Variants in G3BP2 observed in about 807,000 individuals in gnomAD.
G3BP2 encodes ras GTPase-activating protein-binding protein 2.
A neutral mutation model predicts 56.7 loss-of-function variants in G3BP2; 11 were observed. The observed-to-expected ratio is 0.19, with a 90% CI of 0.12 to 0.32. The LOEUF (loss-of-function observed/expected upper bound fraction) is 0.32. Among genes scored for constraint, G3BP2 ranks in the 10% least tolerant of loss-of-function variants. The pLI, the probability that G3BP2 is intolerant of heterozygous loss-of-function variation, is 1.00. For missense variants in G3BP2, 340 were observed against 610.9 expected, an observed-to-expected ratio of 0.56 and a Z score of 4.67; for synonymous variants, 165 against 191.6, an observed-to-expected ratio of 0.86 and a Z score of 1.15.
intron 2 of G3BP2, among the ~76,000 whole-genome samples, chr4:75,661,273 C>A (rs914783675): frequency 2.6e-5 from 4 of 152,018 alleles, no homozygotes; most frequent in Non-Finnish European, 4.4e-5. Context: ...CAACTACAGG[C>A]GCCTGCCACA....
chr4:75,711,147 C>T (rs1719740347), intron 3 of G3BP2, among the ~76,000 whole-genome samples: 1 of 151,106 alleles, frequency 6.6e-6, no homozygotes, highest in Non-Finnish European at 1.5e-5. Flanking sequence ...TGGTGAAACC[C>T]CATCTCTACT....
Position 75,645,144 on chromosome 4 carries a change from AGTGG to A in G3BP2, c.*282_*285del. The A allele has an allele frequency of 2.8e-6, 1 of 356,862 alleles. No homozygotes were observed. The highest frequency in any genetic ancestry group is 6.9e-5 in the South Asian group (1 of 14,542). 22.1% of individuals were successfully genotyped at this position (356,862 alleles called of 1,614,324 possible). Reference sequence around the variant, plus strand: ...TTTTTTACTCAAAGGACCTGAATTCAGTGGGCATGTCCTTTTAAGTTCACTTTGT... The same window carrying A: ...TTTTTTACTCAAAGGACCTGAATTCAGCATGTCCTTTTAAGTTCACTTTGT... On this transcript the variant is annotated 3_prime_UTR_variant, in exon 12 of 12. Coordinates refer to ENST00000359707, the MANE Select transcript of G3BP2 (RefSeq NM_203505.3).
At chr4:75,687,560 G>A (rs1246756672) in intron 3 of G3BP2, among the ~76,000 whole-genome samples, 3 of 152,216 alleles carry the variant, frequency 2.0e-5, no homozygotes, top group African/African-American at 7.2e-5. Flanking sequence ...GACAACACTT[G>A]TCATAGAAAC....
intron 3 of G3BP2, among the ~76,000 whole-genome samples, chr4:75,696,498 G>A (rs773987118): frequency 2.0e-5 from 3 of 152,164 alleles, no homozygotes; most frequent in Non-Finnish European, 4.4e-5. Flanking sequence ...ATGTGGAATG[G>A]GGTCAAAAAA....
At chr4:75,699,726 T>C (rs140516086) in intron 3 of G3BP2, among the ~76,000 whole-genome samples, 188 of 152,344 alleles carry the variant, frequency 1.2e-3, no homozygotes, top group African/African-American at 4.1e-3. Context: ...ATATTTTCTC[T>C]TATAGTTGTT....
chr4:75,652,713 ATAAATGTCTGTGAGTT>A (rs1474099581), intron 8 of G3BP2, among the ~76,000 whole-genome samples: 21 of 152,314 alleles, frequency 1.4e-4, no homozygotes, highest in African/African-American at 4.8e-4. Flanking sequence ...TACTATGTAC[ATAAATGTCTGTGAGTT>A]ACTCTAGACC....
At chr4:75,673,532 G>C, upstream of G3BP2, 1 of 1,232,068 alleles carries the variant, frequency 8.1e-7, no homozygotes, top group Non-Finnish European at 1.0e-6. Flanking sequence ...CAACCTTCCC[G>C]TGTCCCTCTG....
At chr4:75,698,404 A>T (rs866769858) in intron 3 of G3BP2, among the ~76,000 whole-genome samples, 29 of 152,212 alleles carry the variant, frequency 1.9e-4, no homozygotes, top group African/African-American at 7.0e-4. Context: ...AGAAGGAAGC[A>T]GCCCTGCTGA....
chr4:75,658,295 C>CAA (rs2148987056), intron 3 of G3BP2, among the ~76,000 whole-genome samples: 1 of 152,110 alleles, frequency 6.6e-6, no homozygotes, highest in East Asian at 1.9e-4. Flanking sequence ...TAATATAACA[C>CAA]CATGTTTCAT....
At chr4:75,693,930 G>A (rs1718987673) in intron 3 of G3BP2, among the ~76,000 whole-genome samples, 3 of 151,596 alleles carry the variant, frequency 2.0e-5, no homozygotes, top group African/African-American at 7.3e-5. Context: ...TTGTACAGAT[G>A]GGGTCTTACT....
At chr4:75,710,727 T>C (rs1456434784) in intron 3 of G3BP2, among the ~76,000 whole-genome samples, 1 of 151,964 alleles carries the variant, frequency 6.6e-6, no homozygotes, top group East Asian at 1.9e-4. Context: ...AGTGCAGTAG[T>C]GTAATAATAG....
At chr4:75,651,685 G>A (rs535435699) in intron 8 of G3BP2, among the ~76,000 whole-genome samples, 52 of 152,138 alleles carry the variant, frequency 3.4e-4, no homozygotes, top group Non-Finnish European at 6.5e-4. Flanking sequence ...CCACACAGTA[G>A]AGGGCCTTAA....
chr4:75,702,170 A>ACT (rs1719371495), intron 3 of G3BP2, among the ~76,000 whole-genome samples: 2 of 72,824 alleles, frequency 2.7e-5, no homozygotes, highest in East Asian at 6.0e-4. Context: ...TAAACCCCCC[A>ACT]ATTTTTTTTT....
Position 75,655,052 on chromosome 4 carries a change from T to C in G3BP2, c.726+14A>G. 1 of 1,584,824 alleles carries C rather than the reference T, an allele frequency of 6.3e-7. No homozygotes were observed. Among genetic ancestry groups the C allele is most frequent in the South Asian group, 1.1e-5 (1 of 87,708 alleles). On this transcript the variant is annotated intron_variant, in intron 7 of 11. Coordinates refer to ENST00000359707, the MANE Select transcript of G3BP2 (RefSeq NM_203505.3). Reference sequence around the variant, plus strand: ...CATGTGATGTTGTAAGTCTAAAGAGTTCTTTGATCTAACCTTTGGTGGTTC... The same window carrying C: ...CATGTGATGTTGTAAGTCTAAAGAGCTCTTTGATCTAACCTTTGGTGGTTC...
chr4:75,669,374 A>G (rs1733305213), intron 1 of G3BP2, among the ~76,000 whole-genome samples: 2 of 152,212 alleles, frequency 1.3e-5, no homozygotes, highest in South Asian at 4.1e-4. Flanking sequence ...TAGCTTTGCC[A>G]CTTAAACTGT....
intron 10 of G3BP2, among the ~76,000 whole-genome samples, 179 bp from the exon 11 acceptor site, chr4:75,646,635 C>T (rs537833278): frequency 6.6e-6 from 1 of 152,168 alleles, no homozygotes; most frequent in Non-Finnish European, 1.5e-5. Flanking sequence ...CCTAAGATAC[C>T]AAGTAGCCTG....
chr4:75,721,597 TAATA>T (rs1199420167), intron 2 of G3BP2, among the ~76,000 whole-genome samples: 2 of 151,986 alleles, frequency 1.3e-5, no homozygotes, highest in Non-Finnish European at 2.9e-5. Flanking sequence ...CCTACCAAAA[TAATA>T]AATAAATAAA....
At chr4:75,650,016 A>G (rs1312952879) in intron 8 of G3BP2, among the ~76,000 whole-genome samples, 1 of 152,108 alleles carries the variant, frequency 6.6e-6, no homozygotes, top group Non-Finnish European at 1.5e-5. Flanking sequence ...CTTCTCACAG[A>G]AATAAATAAG....
At chr4:75,653,383 G>C (rs1731848457) in intron 8 of G3BP2, among the ~76,000 whole-genome samples, 1 of 151,906 alleles carries the variant, frequency 6.6e-6, no homozygotes, top group Non-Finnish European at 1.5e-5. Flanking sequence ...TCTTAGGTAG[G>C]CAGTGTCTTA....
Sources: allele counts gnomAD v4.1 joint callset (sites outside exome capture counted in the v4.1 genomes callset), GRCh38; gene constraint gnomAD v4.1.1; transcripts MANE v1.5; gene names NCBI Gene and HGNC (gene_info 2026-07-23, HGNC 2026-07-21).